The following SORBS2 variants were observed in gnomAD, a reference collection of about 807,000 sequenced individuals.
SORBS2 encodes sorbin and SH3 domain-containing protein 2.
Under a neutral mutation model 97.7 loss-of-function variants are expected in SORBS2, and 46 were observed. That is an observed-to-expected ratio of 0.47 (90% CI 0.37 to 0.60). The LOEUF is 0.60. SORBS2 is among the 20% of genes least tolerant of loss of function. The probability of loss-of-function intolerance (pLI) is 0.00; values close to 1 mark genes in which losing one functional copy is unlikely to be tolerated. For synonymous variants in SORBS2, 476 were observed against 473.4 expected (o/e 1.01, Z -0.07); for missense variants, 1,316 against 1,282.3 (o/e 1.03, Z -0.40).
intron 4 of SORBS2, among the ~76,000 whole-genome samples, chr4:185,633,913 T>C (rs550826947): frequency 6.6e-6 from 1 of 152,282 alleles, no homozygotes; most frequent in South Asian, 2.1e-4. Flanking sequence ...TCTGACCACA[T>C]TGAATTTCAA....
intron 1 of SORBS2, among the ~76,000 whole-genome samples, chr4:185,779,246 C>T (rs990952459): frequency 7.2e-5 from 11 of 152,170 alleles, no homozygotes; most frequent in South Asian, 2.1e-4. Context: ...GCCACTTACG[C>T]GTGGCTGTGG....
chr4:185,750,643 G>T (rs1264223551), intron 2 of SORBS2, among the ~76,000 whole-genome samples: 1 of 152,202 alleles, frequency 6.6e-6, no homozygotes, highest in Non-Finnish European at 1.5e-5. Flanking sequence ...GTACCATATT[G>T]AAAATACATT....
chr4:185,678,317 T>C (rs1270146530), intron 4 of SORBS2, 106 bp downstream of exon 7: 1 of 998,356 alleles, frequency 1.0e-6, no homozygotes, highest in African/African-American at 1.7e-5. Flanking sequence ...AAAAACATAT[T>C]AAAAATAAAA....
chr4:185,711,466 A>G (rs771219085), intron 2 of SORBS2, among the ~76,000 whole-genome samples: 3 of 152,238 alleles, frequency 2.0e-5, no homozygotes, highest in Non-Finnish European at 4.4e-5. Flanking sequence ...CCAATGCTTC[A>G]GTTCACATGG....
At chr4:185,639,021 T>A (rs773321681) in intron 4 of SORBS2, 1 of 1,515,184 alleles carries the variant, frequency 6.6e-7, no homozygotes, top group South Asian at 1.3e-5. Context: ...GTGTCGGAGT[T>A]GTTGGGAGAG....
intron 1 of SORBS2, among the ~76,000 whole-genome samples, chr4:185,927,418 C>T (rs2099264270): frequency 6.6e-6 from 1 of 151,926 alleles, no homozygotes; most frequent in South Asian, 2.1e-4. Context: ...GGTATTTGTC[C>T]TAATGCTCTC....
chr4:185,635,021 AC>A (rs572437774), intron 4 of SORBS2, among the ~76,000 whole-genome samples: 37 of 152,288 alleles, frequency 2.4e-4, no homozygotes, highest in Non-Finnish European at 4.4e-4. Flanking sequence ...GTAGTATTTT[AC>A]TCTGTCTCAT....
chr4:185,839,469 G>A (rs149940020), intron 1 of SORBS2, among the ~76,000 whole-genome samples: 190 of 152,286 alleles, frequency 1.2e-3, no homozygotes, highest in African/African-American at 4.4e-3. Flanking sequence ...AGGGCTGCAA[G>A]GGATCTTTTC....
chr4:185,811,252 C>A (rs146807978), intron 1 of SORBS2: 1 of 152,140 alleles, frequency 6.6e-6, no homozygotes, highest in Non-Finnish European at 1.5e-5. Flanking sequence ...AAATCATTTA[C>A]GAGGCTTAAA....
At position 185,876,210 on chromosome 4, in the gene SORBS2, C is replaced by A. The variant is rs149962361; in HGVS notation, c.-338+79986G>T. ...GCAACCCCCACTGCCCAAGTTCAAG[C>A]GATTTTCCTGCCTCAGCCTCCTGAG... On this transcript the variant is annotated intron_variant, in intron 1 of 20. Transcript: ENST00000284776. Among the ~76,000 whole-genome samples, 78 of 152,212 alleles carry A rather than the reference C, an allele frequency of 5.1e-4. 1 individual carries two copies. In the East Asian group the frequency reaches 0.014, roughly 28 times the overall value.
intron 1 of SORBS2, among the ~76,000 whole-genome samples, chr4:185,875,195 A>G (rs534494117): frequency 6.6e-6 from 1 of 152,366 alleles, no homozygotes; most frequent in Admixed American, 6.5e-5. Context: ...CTATTGGATG[A>G]CATAGTAAAT....
chr4:185,639,111 C>T (rs756690254), intron 4 of SORBS2, 76 bp from the exon 14 acceptor site: 11 of 1,317,594 alleles, frequency 8.3e-6, no homozygotes, highest in South Asian at 4.6e-5. Flanking sequence ...ACCCTGGCAG[C>T]GCGCTGTGCC....
At chr4:185,891,076 G>A (rs1047145646) in intron 1 of SORBS2, among the ~76,000 whole-genome samples, 5 of 152,060 alleles carry the variant, frequency 3.3e-5, no homozygotes, top group Non-Finnish European at 7.4e-5. Flanking sequence ...GATCTAAAAT[G>A]TTATGAGTTT....
At chr4:185,815,026 G>T (rs1037702050) in intron 1 of SORBS2, among the ~76,000 whole-genome samples, 10 of 152,246 alleles carry the variant, frequency 6.6e-5, no homozygotes, top group Admixed American at 6.5e-5. Context: ...ATCTTTCTGA[G>T]TCAAGTGAGA....
chr4:185,669,749 C>A (rs2153484698), intron 4 of SORBS2, among the ~76,000 whole-genome samples: 1 of 152,130 alleles, frequency 6.6e-6, no homozygotes, highest in South Asian at 2.1e-4. Context: ...GCATGCCAAG[C>A]CATAGGAAAA....
At chr4:185,685,087 T>A (rs1435945045) in intron 2 of SORBS2, among the ~76,000 whole-genome samples, 1 of 152,228 alleles carries the variant, frequency 6.6e-6, no homozygotes, top group Non-Finnish European at 1.5e-5. Flanking sequence ...AGTGAAAGCA[T>A]GGAAGACTTA....
intron 4 of SORBS2, chr4:185,677,157 G>C (rs2153497856): frequency 6.4e-7 from 1 of 1,551,716 alleles, no homozygotes; most frequent in Non-Finnish European, 8.7e-7. Flanking sequence ...AAGAGATGCT[G>C]TGTGTGTCTC....
intron 2 of SORBS2, among the ~76,000 whole-genome samples, chr4:185,751,261 T>C (rs1353771367): frequency 4.1e-5 from 6 of 147,990 alleles, no homozygotes; most frequent in Non-Finnish European, 8.9e-5. Flanking sequence ...AAATGAACTT[T>C]TTGAGAAGCA....
At chr4:185,802,597 A>C (rs1000692088) in intron 1 of SORBS2, among the ~76,000 whole-genome samples, 3 of 152,084 alleles carry the variant, frequency 2.0e-5, no homozygotes, top group African/African-American at 7.3e-5. Flanking sequence ...AACAGTCTTC[A>C]AGGTCTGGAA....
Sources: allele counts gnomAD v4.1 joint callset (sites outside exome capture counted in the v4.1 genomes callset), GRCh38; gene constraint gnomAD v4.1.1; transcripts MANE v1.5; gene names NCBI Gene and HGNC (gene_info 2026-07-23, HGNC 2026-07-21).